SENP7: variants seen among roughly 807,000 people sequenced by gnomAD.
SENP7 encodes sentrin-specific protease 7.
SENP7 carries 64 observed loss-of-function variants against 141.2 expected under a neutral mutation model. The observed-to-expected ratio is 0.45, with a 90% CI of 0.37 to 0.56. The LOEUF (loss-of-function observed/expected upper bound fraction) is 0.56, where lower values mean the gene tolerates loss of function less well. Ranked by LOEUF, SENP7 falls within the 20% of genes least tolerant of loss-of-function variation. SENP7 has a pLI of 0.00. For missense variants in SENP7, 1,025 were observed against 1,212.2 expected (o/e 0.85, Z 2.29); for synonymous variants, 382 against 426.4 (o/e 0.90, Z 1.28).
intron 6 of SENP7, among the ~76,000 whole-genome samples, chr3:101,393,865 G>A (rs1017404598): frequency 8.5e-5 from 13 of 152,064 alleles, no homozygotes; most frequent in East Asian, 3.9e-4. Context: ...TCATTCTCAC[G>A]GGTACATATG....
At chr3:101,354,739 T>C (rs1384979204) in intron 11 of SENP7, among the ~76,000 whole-genome samples, 2 of 152,274 alleles carry the variant, frequency 1.3e-5, no homozygotes, top group East Asian at 3.9e-4. Flanking sequence ...CTTATATTTG[T>C]CTGGGTATAA....
At chr3:101,374,655 G>A (rs1357765220) in intron 6 of SENP7, among the ~76,000 whole-genome samples, 4 of 151,390 alleles carry the variant, frequency 2.6e-5, no homozygotes, top group African/African-American at 7.3e-5. Context: ...GTATGCCCCT[G>A]TAGTCTTAGC....
chr3:101,480,445 T>C (rs2064421182), intron 3 of SENP7, among the ~76,000 whole-genome samples: 1 of 152,166 alleles, frequency 6.6e-6, no homozygotes, highest in African/African-American at 2.4e-5. Context: ...CAATAAATGG[T>C]GCTGAGAAAA....
At chr3:101,459,309 C>T (rs1446236074) in intron 3 of SENP7, among the ~76,000 whole-genome samples, 1 of 152,030 alleles carries the variant, frequency 6.6e-6, no homozygotes, top group African/African-American at 2.4e-5. Context: ...GATTCCAAAG[C>T]TTAAACAGCT....
chr3:101,374,947 G>C (rs1331154525), intron 6 of SENP7, among the ~76,000 whole-genome samples: 1 of 151,788 alleles, frequency 6.6e-6, no homozygotes, highest in Non-Finnish European at 1.5e-5. Flanking sequence ...TTAAAAAATG[G>C]GCAAAGTATT....
intron 4 of SENP7, among the ~76,000 whole-genome samples, chr3:101,448,411 A>T (rs759322406): frequency 6.6e-6 from 1 of 152,266 alleles, no homozygotes; most frequent in Non-Finnish European, 1.5e-5. Flanking sequence ...ATCCAATTTT[A>T]AAATGGGCAA....
chr3:101,493,855 ATTAAT>A lies in SENP7; in HGVS notation c.186+13_186+17del. 7.0e-7 allele frequency: 1 copy of A among 1,427,968 alleles called. No individual in the cohort carries two copies. The highest frequency in any genetic ancestry group is 9.7e-7 in the Non-Finnish European group (1 of 1,027,208). The allele number at this position is 1,427,968 out of a possible 1,614,324, so 88.5% of individuals were successfully genotyped here. A position where few individuals can be genotyped will look rare whatever the true frequency, so the allele number is the denominator to read the frequency against. On this transcript the variant is annotated intron_variant, in intron 3 of 23. Coordinates refer to ENST00000394095, the MANE Select transcript of SENP7 (RefSeq NM_020654.5). ...AAATAAAACTGTATACTTAAAATAA[ATTAAT>A]TTTATTTACCACCTGCAAAGGGAGA...
chr3:101,513,156 T>C lies in SENP7; in HGVS notation c.-26A>G. 1 of 1,576,874 alleles carries C rather than the reference T, an allele frequency of 6.3e-7. No homozygotes were observed. On this transcript the variant is annotated 5_prime_UTR_variant, in exon 1 of 24. Transcript: ENST00000394095. ...CTTCTCCCGCTGCTGAAATTTCAGT[T>C]GCAGGCGCTGTCACCTCAGGACCCC...
At chr3:101,435,002 A>T (rs181642405) in intron 4 of SENP7, among the ~76,000 whole-genome samples, 3 of 152,308 alleles carry the variant, frequency 2.0e-5, no homozygotes, top group Admixed American at 1.3e-4. Context: ...TCTGATGAAC[A>T]CTGATGCAAA....
chr3:101,365,634 CAAAAAAAA>C (rs1010380283), intron 9 of SENP7, among the ~76,000 whole-genome samples: 1 of 62,134 alleles, frequency 1.6e-5, no homozygotes, highest in African/African-American at 6.3e-5. Context: ...GACTCTGTCT[CAAAAAAAA>C]AAAAAAAAAA....
intron 4 of SENP7, among the ~76,000 whole-genome samples, chr3:101,455,294 A>C (rs1380822953): frequency 1.3e-5 from 2 of 152,214 alleles, no homozygotes; most frequent in African/African-American, 4.8e-5. Context: ...CATTATAGTA[A>C]GAAGGCCTAA....
intron 2 of SENP7, among the ~76,000 whole-genome samples, chr3:101,498,611 T>C (rs993715930): frequency 2.6e-4 from 40 of 152,158 alleles, no homozygotes; most frequent in Admixed American, 2.6e-3. Flanking sequence ...AACAACTAAA[T>C]GCAATGTGGG....
intron 20 of SENP7, 40 bp from the exon 21 acceptor site, chr3:101,328,729 T>A: frequency 6.9e-7 from 1 of 1,457,872 alleles, no homozygotes; most frequent in South Asian, 1.2e-5. Flanking sequence ...ATTAAAGCTA[T>A]TTTGAATAAT....
At chr3:101,378,713 C>T (rs535087426) in intron 6 of SENP7, among the ~76,000 whole-genome samples, 1 of 151,738 alleles carries the variant, frequency 6.6e-6, no homozygotes, top group South Asian at 2.1e-4. Flanking sequence ...TCAGAGAACA[C>T]CAAAGAGAAT....
intron 10 of SENP7, among the ~76,000 whole-genome samples, chr3:101,363,600 A>C (rs2059957466): frequency 1.3e-5 from 2 of 152,370 alleles, no homozygotes; most frequent in East Asian, 3.8e-4. Context: ...TTCATTATCA[A>C]TAATGACACT....
intron 3 of SENP7, among the ~76,000 whole-genome samples, chr3:101,489,017 A>G (rs934954457): frequency 2.0e-5 from 3 of 152,212 alleles, no homozygotes; most frequent in South Asian, 4.1e-4. Context: ...AGGCAACCTT[A>G]AAGAAAAGAT....
intron 19 of SENP7, among the ~76,000 whole-genome samples, chr3:101,331,463 C>G (rs78217772): frequency 1.0e-5 from 1 of 98,530 alleles, no homozygotes; most frequent in Non-Finnish European, 2.0e-5. Context: ...ACCAAGACAA[C>G]GTCTCTTAAA....
intron 4 of SENP7, among the ~76,000 whole-genome samples, chr3:101,439,531 C>T (rs1370023302): frequency 8.5e-4 from 36 of 42,512 alleles, no homozygotes; most frequent in Admixed American, 1.8e-3. Context: ...CCAGCCGTGC[C>T]GTCCGGGAGG....
At chr3:101,502,597 G>A (rs916778500) in intron 1 of SENP7, among the ~76,000 whole-genome samples, 3 of 145,894 alleles carry the variant, frequency 2.1e-5, no homozygotes, top group Non-Finnish European at 4.5e-5. Flanking sequence ...CGCCTGGCTG[G>A]ATTTGCTTTG....
Sources: allele counts gnomAD v4.1 joint callset (sites outside exome capture counted in the v4.1 genomes callset), GRCh38; gene constraint gnomAD v4.1.1; transcripts MANE v1.5; gene names NCBI Gene and HGNC (gene_info 2026-07-23, HGNC 2026-07-21).